ZMYND8: variants seen among roughly 807,000 people sequenced by gnomAD.
ZMYND8 encodes zinc finger MYND-type containing 8.
ZMYND8 carries 37 observed loss-of-function variants against 140.8 expected under a neutral mutation model. The observed-to-expected ratio is 0.26, with a 90% CI of 0.20 to 0.35. The LOEUF (loss-of-function observed/expected upper bound fraction) is 0.35, where lower values mean the gene tolerates loss of function less well. Ranked by LOEUF, ZMYND8 falls within the 10% of genes least tolerant of loss-of-function variation. The pLI is 1.00. For missense variants in ZMYND8, 1,068 were observed against 1,570.0 expected (o/e 0.68, Z 5.40); for synonymous variants, 592 against 597.1 (o/e 0.99, Z 0.12).
intron 12 of ZMYND8, among the ~76,000 whole-genome samples, chr20:47,258,866 G>C (rs1197087618): frequency 6.6e-6 from 1 of 152,008 alleles, no homozygotes; most frequent in Non-Finnish European, 1.5e-5. Flanking sequence ...CTTCCCGTTA[G>C]GTCATTGCAA....
rs549556250 is a variant in ZMYND8 at position 47,333,214 on chromosome 20, T to G, written c.85+14642A>C. Among the ~76,000 whole-genome samples, 57 of 150,916 alleles carry G rather than the reference T, an allele frequency of 3.8e-4. 1 individual carries two copies. Among genetic ancestry groups the G allele is most frequent in the African/African-American group, 1.2e-3 (51 of 41,046 alleles). ...CATATATATATGAGAGAGAGAGAGA[T>G]AAAAAAACACAAATGCATTTAAGCC... On this transcript the variant is annotated intron_variant, in intron 2 of 22. Transcript: ENST00000471951.
rs1320454412 is a variant in ZMYND8 at position 47,290,284 on chromosome 20, A to G, written c.661-10T>C. The stretch of plus-strand genomic sequence containing the variant: ...TTTTCTTTTTCGCATTCTGGGAAGA[A>G]AAGCGATGGAGCATAATCACAGTGA... On this transcript the variant is annotated splice_polypyrimidine_tract_variant and intron_variant, in intron 6 of 22. Coordinates refer to ENST00000471951, the MANE Select transcript of ZMYND8 (RefSeq NM_001281775.3). 1 of 1,612,780 alleles carries G rather than the reference A, an allele frequency of 6.2e-7. No homozygotes were observed. Among genetic ancestry groups the G allele is most frequent in the African/African-American group, 1.3e-5 (1 of 74,896 alleles).
Position 47,224,518 on chromosome 20 carries a change from C to T in ZMYND8, c.3055G>A (p.Glu1019Lys). The change falls in exon 19 of 23, where the codon GAG becomes AAG. Residue 1019 changes from glutamate (E) to lysine (K), a missense_variant. Coordinates refer to ENST00000471951, the MANE Select transcript of ZMYND8 (RefSeq NM_001281775.3). Reference sequence around the variant, plus strand: ...ACCTCGGCGATGAGCCGGTCCCGCTCCTGCTCCAGGCTCTGCCGCATCTCC... The same window carrying T: ...ACCTCGGCGATGAGCCGGTCCCGCTTCTGCTCCAGGCTCTGCCGCATCTCC... ...MAEMRQSLEQERDRLIAEVKK... is the reference protein window; with the variant it reads ...MAEMRQSLEQKRDRLIAEVKK... 2 of 1,614,040 alleles carry T rather than the reference C, an allele frequency of 1.2e-6. No individual in the cohort carries two copies. The highest frequency in any genetic ancestry group is 1.7e-6 in the Non-Finnish European group (2 of 1,180,046).
intron 12 of ZMYND8, among the ~76,000 whole-genome samples, chr20:47,255,728 A>G (rs1397269883): frequency 0.042 from 834 of 19,806 alleles, 26 homozygotes; most frequent in African/African-American, 0.13. Flanking sequence ...GTGTGTATAT[A>G]TATATATATA....
At chr20:47,289,825 C>T (rs1337621944) in intron 7 of ZMYND8, among the ~76,000 whole-genome samples, 1 of 152,128 alleles carries the variant, frequency 6.6e-6, no homozygotes, top group Admixed American at 6.5e-5. Context: ...TAGAAAATGG[C>T]ATGTATGAGA....
Position 47,294,794 on chromosome 20 carries a change from T to A in ZMYND8, c.454-15A>T. The A allele has an allele frequency of 6.2e-7, 1 of 1,610,234 alleles. No homozygotes were observed. Among genetic ancestry groups the A allele is most frequent in the Non-Finnish European group, 8.5e-7 (1 of 1,176,506 alleles). ...ACTGTAATTTTCTACAAAGTCAAAG[T>A]CATACATAAACGTCCGGTTAGAAAA... On this transcript the variant is annotated splice_polypyrimidine_tract_variant and intron_variant, in intron 4 of 22. Coordinates refer to ENST00000471951, the MANE Select transcript of ZMYND8 (RefSeq NM_001281775.3).
chr20:47,351,061 A>G (rs1275371775), intron 1 of ZMYND8, among the ~76,000 whole-genome samples: 1 of 152,232 alleles, frequency 6.6e-6, no homozygotes, highest in Non-Finnish European at 1.5e-5. Flanking sequence ...AAGATAACCA[A>G]GACCACCCCA....
chr20:47,268,544 C>T (rs1033316414), intron 11 of ZMYND8, among the ~76,000 whole-genome samples: 13 of 151,426 alleles, frequency 8.6e-5, no homozygotes, highest in African/African-American at 2.9e-4. Flanking sequence ...CCGCCCGCCT[C>T]GGCCTCCCAA....
At chr20:47,220,826 G>C (rs1165320666) in intron 20 of ZMYND8, among the ~76,000 whole-genome samples, 1 of 152,138 alleles carries the variant, frequency 6.6e-6, no homozygotes, top group Non-Finnish European at 1.5e-5. Context: ...AATAGTCTTT[G>C]CATACCATCA....
At position 47,317,601 on chromosome 20, in the gene ZMYND8, G is replaced by A. The variant is rs1044533071; in HGVS notation, c.86-7397C>T. ...ACAGCAAGCCTGCTGGGGCCTGAAC[G>A]AAAAGAGAAGCTTGGTCCACAGGCT... On this transcript the variant is annotated intron_variant, in intron 2 of 22. Coordinates refer to ENST00000471951, the MANE Select transcript of ZMYND8 (RefSeq NM_001281775.3). Among the ~76,000 whole-genome samples, 5 of 152,344 alleles carry A rather than the reference G, an allele frequency of 3.3e-5. No homozygotes were observed. In the Middle Eastern group the frequency reaches 0.01, roughly 311 times the overall value.
chr20:47,232,946 C>T (rs941729587), intron 16 of ZMYND8, among the ~76,000 whole-genome samples: 3 of 150,054 alleles, frequency 2.0e-5, no homozygotes, highest in African/African-American at 7.5e-5. Flanking sequence ...TCGCTCTGTC[C>T]CCCAGGCTGG....
chr20:47,312,789 CAAAAAAAA>C (rs1210409565), intron 2 of ZMYND8, among the ~76,000 whole-genome samples: 2 of 68,722 alleles, frequency 2.9e-5, no homozygotes, highest in African/African-American at 1.0e-4. Context: ...GACTCCGTCT[CAAAAAAAA>C]AAAAAAAAAA....
intron 19 of ZMYND8, 55 bp downstream of exon 19, chr20:47,224,262 G>T: frequency 6.2e-7 from 1 of 1,606,658 alleles, no homozygotes; most frequent in South Asian, 1.1e-5. Flanking sequence ...CCACAGGGGA[G>T]ACCAATGCCA....
intron 3 of ZMYND8, among the ~76,000 whole-genome samples, chr20:47,307,758 C>T (rs940542574): frequency 2.6e-5 from 4 of 151,854 alleles, no homozygotes; most frequent in African/African-American, 9.7e-5. Context: ...ACCTGGGAGG[C>T]AAAGGTTGCA....
At chr20:47,317,843 G>C (rs979827981) in intron 2 of ZMYND8, among the ~76,000 whole-genome samples, 14 of 152,260 alleles carry the variant, frequency 9.2e-5, no homozygotes, top group South Asian at 2.1e-4. Flanking sequence ...ACCGTAAAAA[G>C]GCAACTTAAC....
chr20:47,353,676 A>T (rs2148645874), intron 1 of ZMYND8: 1 of 152,412 alleles, frequency 6.6e-6, no homozygotes, highest in East Asian at 1.9e-4. Flanking sequence ...TGCTCCTTGC[A>T]GCTGTGTATC....
chr20:47,258,870 A>G (rs936341770), intron 12 of ZMYND8, among the ~76,000 whole-genome samples: 1 of 152,062 alleles, frequency 6.6e-6, no homozygotes, highest in Non-Finnish European at 1.5e-5. Flanking sequence ...CCGTTAGGTC[A>G]TTGCAATCCC....
Position 47,347,913 on chromosome 20 carries a change from C to T in ZMYND8, c.28G>A (p.Glu10Lys), listed in dbSNP as rs1406227156. Residue 10 changes from glutamate (E) to lysine (K), a missense_variant, in exon 2 of 23, where the codon GAA (glutamate) becomes AAA (lysine). This residue lies in a region of ZMYND8 where 77 missense variants were observed against 85.1 expected (regional missense o/e 0.91). Coordinates refer to ENST00000471951, the MANE Select transcript of ZMYND8 (RefSeq NM_001281775.3). The stretch of plus-strand genomic sequence containing the variant: ...ACCACCTCCTGTTCTGTTTTTATTT[C>T]CTCTTCAGCCAAGCTGAAACAGAGC... Reference protein sequence around the residue: MHPQSLAEEEIKTEQEVVEG... With the variant: MHPQSLAEEKIKTEQEVVEG... 2 of 1,613,940 alleles carry T rather than the reference C, an allele frequency of 1.2e-6. No homozygotes were observed. The highest frequency in any genetic ancestry group is 1.7e-6 in the Non-Finnish European group (2 of 1,180,024).
At chr20:47,285,573 C>T in intron 8 of ZMYND8, 2 of 651,712 alleles carry the variant, frequency 3.1e-6, no homozygotes, top group Non-Finnish European at 3.8e-6. Context: ...TTACAACTCC[C>T]AATATTGGAA....
Sources: allele counts gnomAD v4.1 joint callset (sites outside exome capture counted in the v4.1 genomes callset), GRCh38; gene constraint gnomAD v4.1.1; regional missense constraint gnomAD v4.1.1; transcripts MANE v1.5; gene names NCBI Gene and HGNC (gene_info 2026-07-23, HGNC 2026-07-21).